Variants in CADM2 observed in about 807,000 individuals in gnomAD.
The protein encoded by CADM2 is cell adhesion molecule 2.
A neutral mutation model predicts 49.8 loss-of-function variants in CADM2; 12 were observed. The ratio of observed to expected loss-of-function variants is 0.24; its 90% CI spans 0.15 to 0.39. The LOEUF is 0.39. CADM2 is among the 10% of genes least tolerant of loss of function. CADM2 has a pLI of 1.00. For synonymous variants in CADM2, 214 were observed against 175.4 expected, an observed-to-expected ratio of 1.22 and a Z score of -1.74; for missense variants, 378 against 492.3, an observed-to-expected ratio of 0.77 and a Z score of 2.20.
chr3:85,911,376 G>C (rs1266669058), intron 5 of CADM2, among the ~76,000 whole-genome samples: 1 of 152,032 alleles, frequency 6.6e-6, no homozygotes, highest in East Asian at 1.9e-4. Context: ...ATTTAACGAT[G>C]GATCTAAATC....
At chr3:85,125,303 T>C (rs568357394) in intron 1 of CADM2, among the ~76,000 whole-genome samples, 1 of 152,200 alleles carries the variant, frequency 6.6e-6, no homozygotes, top group Admixed American at 6.5e-5. Context: ...AAAAAATTCA[T>C]GTAAGTGAAC....
intron 1 of CADM2, among the ~76,000 whole-genome samples, chr3:85,531,839 A>G (rs982286946): frequency 5.9e-5 from 9 of 152,146 alleles, no homozygotes; most frequent in African/African-American, 2.2e-4. Context: ...GATAATCCCC[A>G]TTTCAATGTT....
intron 1 of CADM2, among the ~76,000 whole-genome samples, chr3:85,297,576 C>T (rs902185521): frequency 1.3e-5 from 2 of 151,992 alleles, no homozygotes; most frequent in African/African-American, 4.8e-5. Context: ...TTAAGGCAGA[C>T]TCCTAATAAC....
At chr3:85,278,787 G>A (rs1321028185) in intron 1 of CADM2, among the ~76,000 whole-genome samples, 1 of 149,368 alleles carries the variant, frequency 6.7e-6, no homozygotes, top group Non-Finnish European at 1.5e-5. Flanking sequence ...AAATCACAAT[G>A]TTTTAAACAT....
At chr3:85,044,583 T>G (rs1333864680) in intron 1 of CADM2, among the ~76,000 whole-genome samples, 1 of 152,164 alleles carries the variant, frequency 6.6e-6, no homozygotes, top group Non-Finnish European at 1.5e-5. Context: ...TTACATTTCC[T>G]TCTTATACTT....
At chr3:85,684,192 C>T (rs1157678123) in intron 1 of CADM2, among the ~76,000 whole-genome samples, 4 of 152,110 alleles carry the variant, frequency 2.6e-5, no homozygotes, top group African/African-American at 9.7e-5. Flanking sequence ...AGTCTCCTAC[C>T]TTGACAAATA....
At chr3:85,505,850 T>G (rs1307587434) in intron 1 of CADM2, among the ~76,000 whole-genome samples, 4 of 152,182 alleles carry the variant, frequency 2.6e-5, no homozygotes, top group Non-Finnish European at 5.9e-5. Context: ...CAAACAGCAA[T>G]GAAACATGTT....
chr3:85,240,588 G>T (rs1347621174), intron 1 of CADM2, among the ~76,000 whole-genome samples: 1 of 151,510 alleles, frequency 6.6e-6, no homozygotes, highest in African/African-American at 2.4e-5. Context: ...AACTCTAAGT[G>T]TGTTGTAGCA....
At chr3:85,903,854 GTTC>G (rs1164388300) in intron 5 of CADM2, among the ~76,000 whole-genome samples, 3 of 152,106 alleles carry the variant, frequency 2.0e-5, no homozygotes, top group Non-Finnish European at 4.4e-5. Flanking sequence ...TGCATAAGTT[GTTC>G]TATAGCTTGA....
At chr3:85,165,146 C>T (rs1261827367) in intron 1 of CADM2, among the ~76,000 whole-genome samples, 1 of 151,730 alleles carries the variant, frequency 6.6e-6, no homozygotes, top group Non-Finnish European at 1.5e-5. Flanking sequence ...AGCTATGTCA[C>T]CAATTTCATA....
At chr3:85,619,360 A>G (rs1389630464) in intron 1 of CADM2, among the ~76,000 whole-genome samples, 2 of 152,256 alleles carry the variant, frequency 1.3e-5, no homozygotes, top group East Asian at 3.9e-4. Context: ...AAAAGAAAAA[A>G]AAAGGAAATG....
In CADM2 at chr3:85,716,254, C is replaced by A. The variant is rs530352463; in HGVS notation, c.62-10268C>A. Among the ~76,000 whole-genome samples the A allele has an allele frequency of 4.5e-4, 69 of 152,266 alleles. 1 individual carries two copies. Among genetic ancestry groups the A allele is most frequent in the African/African-American group, 1.6e-3 (67 of 41,550 alleles). The stretch of plus-strand genomic sequence containing the variant: ...TTTTGATTTGCATTTCTCTAATGAC[C>A]AATGATGATGAGCTTTTCTTCATGT... On this transcript the variant is annotated intron_variant, in intron 1 of 9. Coordinates refer to ENST00000383699, the MANE Select transcript of CADM2 (RefSeq NM_001167675.2).
chr3:85,152,833 C>T lies in CADM2; in HGVS notation c.61+193165C>T, dbSNP rs546170892. Among the ~76,000 whole-genome samples, 129 of 151,724 alleles carry T rather than the reference C, an allele frequency of 8.5e-4. 5 individuals are homozygous for T. The South Asian group carries it at 0.024, about 28-fold the overall frequency. On this transcript the variant is annotated intron_variant, in intron 1 of 9. Coordinates refer to ENST00000383699, the MANE Select transcript of CADM2 (RefSeq NM_001167675.2). ...AAAAAATATTTGCCGGGCGTGGTGG[C>T]GGGTGCTTGTAGTGCCAGCTACTCG...
At chr3:85,998,317 A>T (rs1026861186) in intron 8 of CADM2, among the ~76,000 whole-genome samples, 1 of 152,156 alleles carries the variant, frequency 6.6e-6, no homozygotes, top group African/African-American at 2.4e-5. Context: ...TGATAGTTTT[A>T]TGACATTTCT....
intron 1 of CADM2, among the ~76,000 whole-genome samples, chr3:85,679,509 A>G (rs1005326668): frequency 6.6e-6 from 1 of 152,186 alleles, no homozygotes; most frequent in African/African-American, 2.4e-5. Flanking sequence ...GAGCACTTTA[A>G]ACGATATTGG....
chr3:85,759,248 C>T (rs990288010), intron 2 of CADM2, among the ~76,000 whole-genome samples: 3 of 152,010 alleles, frequency 2.0e-5, no homozygotes, highest in Non-Finnish European at 4.4e-5. Flanking sequence ...CTGCCTAGTT[C>T]TCTTCTGCAT....
chr3:85,003,968 A>C (rs548858367), intron 1 of CADM2, among the ~76,000 whole-genome samples: 18 of 152,236 alleles, frequency 1.2e-4, no homozygotes, highest in Admixed American at 3.3e-4. Context: ...ATAAAAATAG[A>C]AGTCTCTAGT....
At chr3:85,841,289 G>A (rs2074626911) in intron 3 of CADM2, among the ~76,000 whole-genome samples, 1 of 151,796 alleles carries the variant, frequency 6.6e-6, no homozygotes, top group Non-Finnish European at 1.5e-5. Context: ...AGCATGGGGA[G>A]GTAGAGGAGT....
Position 85,775,229 on chromosome 3 carries a change from G to A in CADM2, c.89-26818G>A, listed in dbSNP as rs190256653. On this transcript the variant is annotated intron_variant, in intron 2 of 9. Transcript: ENST00000383699. Reference sequence around the variant, plus strand: ...GCAAGTTAAAACCCAAATTTCTAAAGCATACTCAATAGGTTTGTCTCATGA... The same window carrying A: ...GCAAGTTAAAACCCAAATTTCTAAAACATACTCAATAGGTTTGTCTCATGA... 1.5e-3 allele frequency among the ~76,000 whole-genome samples: 235 copies of A among 151,840 alleles called. 1 individual carries two copies. The highest frequency in any genetic ancestry group is 2.4e-3 in the Admixed American group (37 of 15,232).
Sources: gnomAD v4.1 joint callset for allele counts (sites outside exome capture counted in the v4.1 genomes callset) on GRCh38, gnomAD v4.1.1 for gene constraint, MANE v1.5 for transcripts, NCBI Gene and HGNC (gene_info 2026-07-23, HGNC 2026-07-21) for gene names.